TMEM132B: variants seen among roughly 807,000 people sequenced by gnomAD.
The protein encoded by TMEM132B is transmembrane protein 132B.
A neutral mutation model predicts 90.8 loss-of-function variants in TMEM132B; 18 were observed. The ratio of observed to expected loss-of-function variants is 0.20; its 90% confidence interval spans 0.14 to 0.29. TMEM132B has a LOEUF of 0.29. Among genes scored for constraint, TMEM132B ranks in the 10% least tolerant of loss-of-function variants. TMEM132B has a pLI of 1.00. For missense variants in TMEM132B, 1,096 were observed against 1,326.8 expected (o/e 0.83, Z 2.70); for synonymous variants, 504 against 523.3 (o/e 0.96, Z 0.50).
chr12:125,570,851 A>G (rs1484491362), intron 4 of TMEM132B, among the ~76,000 whole-genome samples: 1 of 152,110 alleles, frequency 6.6e-6, no homozygotes, highest in Non-Finnish European at 1.5e-5. Flanking sequence ...AGAGGCTGAC[A>G]TTTCTGTGCT....
At chr12:125,539,453 G>A (rs1040764853) in intron 4 of TMEM132B, among the ~76,000 whole-genome samples, 3 of 152,288 alleles carry the variant, frequency 2.0e-5, no homozygotes, top group Middle Eastern at 3.4e-3. Context: ...TCAGTGACCC[G>A]TTGTGACACC....
chr12:125,621,281 G>A (rs1886105319), intron 5 of TMEM132B, among the ~76,000 whole-genome samples: 1 of 152,118 alleles, frequency 6.6e-6, no homozygotes, highest in African/African-American at 2.4e-5. Flanking sequence ...GTGTCTTGAG[G>A]GGTGCACAGG....
chr12:125,588,435 T>A (rs1885230263), intron 5 of TMEM132B: 1 of 152,174 alleles, frequency 6.6e-6, no homozygotes, highest in Non-Finnish European at 1.5e-5. Flanking sequence ...GCTCAAGTGA[T>A]CCTCCCACCT....
In TMEM132B at chr12:125,514,506, GCCT is replaced by G. The variant is rs1358585698; in HGVS notation, c.1107-4932_1107-4930del. Among the ~76,000 whole-genome samples, 4 of 152,226 alleles carry G rather than the reference GCCT, an allele frequency of 2.6e-5. No individual in the cohort carries two copies. In the East Asian group the frequency reaches 7.7e-4, roughly 29 times the overall value. ...CTTTTTGGTCATCTTAAAAATTAATGCCTAGAAAAAGTCTCATAAGAAAAAACA... is the reference window on the plus strand; with the variant it reads ...CTTTTTGGTCATCTTAAAAATTAATGAGAAAAAGTCTCATAAGAAAAAACA... On this transcript the variant is annotated intron_variant, in intron 3 of 8. Transcript: ENST00000682704.
intron 1 of TMEM132B, among the ~76,000 whole-genome samples, chr12:125,253,469 C>CT (rs1385754060): frequency 7.0e-6 from 1 of 143,158 alleles, no homozygotes; most frequent in Admixed American, 7.2e-5. Flanking sequence ...GGGTCTCACT[C>CT]TGTCGCCCAG....
At chr12:125,360,239 A>C (rs1877917413) in intron 2 of TMEM132B, among the ~76,000 whole-genome samples, 1 of 152,216 alleles carries the variant, frequency 6.6e-6, no homozygotes, top group South Asian at 2.1e-4. Context: ...GACAAACTTT[A>C]ATAATCTATA....
intron 1 of TMEM132B, among the ~76,000 whole-genome samples, chr12:125,331,836 C>T (rs1350005728): frequency 6.8e-6 from 1 of 147,104 alleles, no homozygotes; most frequent in Non-Finnish European, 1.5e-5. Context: ...TCACTGCAGC[C>T]TTGACCTCCC....
In TMEM132B at chr12:125,251,439, G is replaced by A. The variant is rs1874314534; in HGVS notation, c.67+64573G>A. 6.6e-6 allele frequency among the ~76,000 whole-genome samples: 1 copy of A among 152,100 alleles called. No homozygotes were observed. Among genetic ancestry groups the A allele is most frequent in the Non-Finnish European group, 1.5e-5 (1 of 68,018 alleles). ...TCAGCTATATGAGCCTTTAAACCAGGGATTGCAAACTGAAATACCTGCAGG... is the reference window on the plus strand; with the variant it reads ...TCAGCTATATGAGCCTTTAAACCAGAGATTGCAAACTGAAATACCTGCAGG... On this transcript the variant is annotated intron_variant, in intron 1 of 8. Coordinates refer to ENST00000682704, the MANE Select transcript of TMEM132B (RefSeq NM_001366854.1). This position sits in a 1 kb window ranked among gnomAD's most constrained non-coding sequence, Gnocchi z 4.4.
rs947955538 is a variant in TMEM132B, at chr12:125,656,442, G to T, written c.*1732G>T. 6.6e-6 allele frequency: 1 copy of T among 152,250 alleles called. No homozygotes were observed. Among genetic ancestry groups the T allele is most frequent in the South Asian group, 2.1e-4 (1 of 4,826 alleles). The allele number at this position is 152,250 out of a possible 1,614,324, so 9.4% of individuals were successfully genotyped here. On this transcript the variant is annotated 3_prime_UTR_variant, in exon 9 of 9. Transcript: ENST00000682704. ...CTAGCCATGACGTGGCAGCCAAAAAGTTCTTCCTGTATCTCTGGCCCACAG... is the reference window on the plus strand; with the variant it reads ...CTAGCCATGACGTGGCAGCCAAAAATTTCTTCCTGTATCTCTGGCCCACAG...
At chr12:125,193,572 G>A (rs1009187423) in intron 1 of TMEM132B, among the ~76,000 whole-genome samples, 6 of 152,204 alleles carry the variant, frequency 3.9e-5, no homozygotes, top group African/African-American at 1.2e-4. Flanking sequence ...ACTTCTTAGA[G>A]GAGGTGGCAG....
intron 1 of TMEM132B, among the ~76,000 whole-genome samples, chr12:125,240,903 G>T (rs1173014330): frequency 6.6e-6 from 1 of 152,246 alleles, no homozygotes; most frequent in Non-Finnish European, 1.5e-5. Context: ...GAGAGCACGT[G>T]CTCAATGCAC....
intron 1 of TMEM132B, among the ~76,000 whole-genome samples, chr12:125,241,759 T>C (rs986686298): frequency 2.1e-4 from 32 of 152,188 alleles, no homozygotes; most frequent in African/African-American, 7.5e-4. Flanking sequence ...CGATTTGTCA[T>C]GGCACCCCTA....
At chr12:125,510,361 A>G (rs540636360) in intron 3 of TMEM132B, among the ~76,000 whole-genome samples, 69 of 152,348 alleles carry the variant, frequency 4.5e-4, no homozygotes, top group African/African-American at 1.6e-3. Flanking sequence ...CACATTTTAA[A>G]AACAGAAAAA....
intron 1 of TMEM132B, among the ~76,000 whole-genome samples, chr12:125,193,513 T>C (rs917083614): frequency 1.3e-5 from 2 of 152,246 alleles, no homozygotes; most frequent in African/African-American, 4.8e-5. Flanking sequence ...GTGTTTTTCA[T>C]GGTCAATGCA....
intron 1 of TMEM132B, among the ~76,000 whole-genome samples, chr12:125,207,866 TTCAC>T (rs1404992532): frequency 3.9e-5 from 6 of 152,262 alleles, no homozygotes; most frequent in African/African-American, 1.2e-4. Flanking sequence ...ATCTTCGAGG[TTCAC>T]TCATGTGTAG....
intron 5 of TMEM132B, among the ~76,000 whole-genome samples, chr12:125,630,972 A>G (rs1886356424): frequency 6.6e-6 from 1 of 152,004 alleles, no homozygotes; most frequent in African/African-American, 2.4e-5. Context: ...GTATTGTTTT[A>G]TTTAATTTAA....
At chr12:125,321,418 G>C (rs1342375203) in intron 1 of TMEM132B, among the ~76,000 whole-genome samples, 3 of 151,518 alleles carry the variant, frequency 2.0e-5, no homozygotes, top group Non-Finnish European at 4.4e-5. Context: ...TGGAGAAACT[G>C]TAATCCTCTA....
intron 3 of TMEM132B, among the ~76,000 whole-genome samples, chr12:125,431,688 G>A (rs865963494): frequency 2.6e-4 from 39 of 152,342 alleles, no homozygotes; most frequent in African/African-American, 8.4e-4. Context: ...TTGGGTGCTA[G>A]ACATGGTGGC....
At chr12:125,597,555 T>C (rs1264726402) in intron 5 of TMEM132B, among the ~76,000 whole-genome samples, 2 of 152,242 alleles carry the variant, frequency 1.3e-5, no homozygotes, top group Non-Finnish European at 2.9e-5. Flanking sequence ...TCTTTGTATA[T>C]TACAGCACTG....
Sources: allele counts gnomAD v4.1 joint callset (sites outside exome capture counted in the v4.1 genomes callset), GRCh38; gene constraint gnomAD v4.1.1; non-coding constraint Gnocchi (gnomAD v3.1); transcripts MANE v1.5; gene names NCBI Gene and HGNC (gene_info 2026-07-23, HGNC 2026-07-21).